Variants in ATXN1 observed in about 807,000 individuals in gnomAD.
ATXN1 encodes ataxin-1.
A neutral mutation model predicts 56.4 loss-of-function variants in ATXN1; 8 were observed. The observed-to-expected ratio is 0.14, with a 90% CI of 0.08 to 0.26. The LOEUF is 0.26. Ranked by LOEUF, ATXN1 falls within the 10% of genes least tolerant of loss-of-function variation. The pLI is 1.00. For missense variants in ATXN1, 987 were observed against 1,106.5 expected, an observed-to-expected ratio of 0.89 and a Z score of 1.53; for synonymous variants, 514 against 494.6, an observed-to-expected ratio of 1.04 and a Z score of -0.52.
At chr6:16,368,187 A>G (rs1461244876) in intron 6 of ATXN1, among the ~76,000 whole-genome samples, 1 of 151,866 alleles carries the variant, frequency 6.6e-6, no homozygotes, top group Non-Finnish European at 1.5e-5. Flanking sequence ...AAAAGAAAGA[A>G]AAGAAAAGAA....
chr6:16,536,850 T>C (rs1251783806), intron 4 of ATXN1, among the ~76,000 whole-genome samples: 2 of 152,214 alleles, frequency 1.3e-5, no homozygotes, highest in Non-Finnish European at 2.9e-5. Context: ...CCTCCAATCA[T>C]TTTTGTGGCT....
rs542254852 is a variant in ATXN1, at chr6:16,705,622, A to G, written c.-615+47611T>C. 5.9e-5 allele frequency among the ~76,000 whole-genome samples: 9 copies of G among 152,152 alleles called. No individual in the cohort carries two copies. The South Asian group carries it at 6.2e-4, about 11-fold the overall frequency. On this transcript the variant is annotated intron_variant, in intron 2 of 7. Transcript: ENST00000436367. ...GTCCTCTAAATCCTTGCTTATTAACATCTCTCCAATCTGCTCATTCTTTCC... is the reference window on the plus strand; with the variant it reads ...GTCCTCTAAATCCTTGCTTATTAACGTCTCTCCAATCTGCTCATTCTTTCC...
Position 16,306,010 on chromosome 6 carries a change from T to A in ATXN1, c.*319A>T. ...ACTTTTCTCCTGACACTAGCGGGAGTCAGCGCCCCCGGCTGCTTCTGTGCC... is the reference window on the plus strand; with the variant it reads ...ACTTTTCTCCTGACACTAGCGGGAGACAGCGCCCCCGGCTGCTTCTGTGCC... On this transcript the variant is annotated 3_prime_UTR_variant, in exon 8 of 8. Coordinates refer to ENST00000436367, the MANE Select transcript of ATXN1 (RefSeq NM_001128164.2). The surrounding 1 kb of genome is among the most constrained non-coding windows in gnomAD (Gnocchi z 5.2). 4.4e-6 allele frequency: 1 copy of A among 227,948 alleles called. No homozygotes were observed. The highest frequency in any genetic ancestry group is 8.8e-6 in the Non-Finnish European group (1 of 113,610). 14.1% of individuals were successfully genotyped at this position (227,948 alleles called of 1,614,324 possible).
chr6:16,740,117 G>A (rs1169280938), intron 2 of ATXN1, among the ~76,000 whole-genome samples: 1 of 152,142 alleles, frequency 6.6e-6, no homozygotes, highest in Non-Finnish European at 1.5e-5. Context: ...AAGTCTAAAT[G>A]TGAATCAGAT....
intron 2 of ATXN1, among the ~76,000 whole-genome samples, chr6:16,701,149 T>G (rs1382354499): frequency 6.6e-6 from 1 of 152,080 alleles, no homozygotes; most frequent in Non-Finnish European, 1.5e-5. Flanking sequence ...ATTAAAAAAG[T>G]TTAGATACAG....
chr6:16,629,683 A>G (rs1341059777), intron 3 of ATXN1, among the ~76,000 whole-genome samples: 1 of 152,038 alleles, frequency 6.6e-6, no homozygotes, highest in Non-Finnish European at 1.5e-5. Flanking sequence ...TGGGAGGCTG[A>G]AGTGGGTGGA....
chr6:16,578,886 A>G (rs952332107), intron 4 of ATXN1, among the ~76,000 whole-genome samples: 2 of 152,196 alleles, frequency 1.3e-5, no homozygotes, highest in African/African-American at 4.8e-5. Context: ...TGAAGTCCGC[A>G]TTGTCTAAAC....
intron 6 of ATXN1, among the ~76,000 whole-genome samples, chr6:16,454,458 G>T (rs1759826522): frequency 6.6e-6 from 1 of 152,160 alleles, no homozygotes; most frequent in Non-Finnish European, 1.5e-5. Context: ...AGGGGTCAAG[G>T]CTGCCTGAGG....
chr6:16,318,051 A>C (rs1312474359), intron 7 of ATXN1, among the ~76,000 whole-genome samples: 1 of 152,164 alleles, frequency 6.6e-6, no homozygotes, highest in Non-Finnish European at 1.5e-5. Context: ...ATATCTAAAC[A>C]CTATGCACAT....
At chr6:16,532,928 T>C (rs1761532748) in intron 4 of ATXN1, among the ~76,000 whole-genome samples, 1 of 152,194 alleles carries the variant, frequency 6.6e-6, no homozygotes, top group Admixed American at 6.5e-5. Flanking sequence ...CAGATATTTG[T>C]ATACCAGTGT....
chr6:16,404,993 T>A (rs984272347), intron 6 of ATXN1, among the ~76,000 whole-genome samples: 1 of 152,220 alleles, frequency 6.6e-6, no homozygotes, highest in Non-Finnish European at 1.5e-5. Context: ...TTGGAAGATG[T>A]CCTGGTGTTT....
chr6:16,624,565 C>G, intron 3 of ATXN1, among the ~76,000 whole-genome samples: 1 of 152,104 alleles, frequency 6.6e-6, no homozygotes, highest in East Asian at 1.9e-4. Flanking sequence ...TTCAAGCAAA[C>G]AGAAGGGTTA....
rs1173449550 is a variant in ATXN1, at chr6:16,302,272, G to GA, written c.*4056dup. 2.6e-5 allele frequency: 4 copies of GA among 152,386 alleles called. No individual in the cohort carries two copies. The highest frequency in any genetic ancestry group is 5.9e-5 in the Non-Finnish European group (4 of 68,062). 9.4% of individuals were successfully genotyped at this position (152,386 alleles called of 1,614,324 possible). ...GGTTCCGCAGAGTCCCTTTAGGGGA[G>GA]AAGGAGGGATGCTGCCACTTCCTGG... On this transcript the variant is annotated 3_prime_UTR_variant, in exon 8 of 8. Coordinates refer to ENST00000436367, the MANE Select transcript of ATXN1 (RefSeq NM_001128164.2).
intron 3 of ATXN1, among the ~76,000 whole-genome samples, chr6:16,635,466 A>G (rs901082653): frequency 4.6e-5 from 7 of 152,198 alleles, no homozygotes; most frequent in Non-Finnish European, 1.0e-4. Context: ...GTTAGGGACC[A>G]CTGGTCTAGA....
chr6:16,561,908 C>A (rs1762125914), intron 4 of ATXN1, among the ~76,000 whole-genome samples: 1 of 152,172 alleles, frequency 6.6e-6, no homozygotes, highest in Non-Finnish European at 1.5e-5. Context: ...CAAGTCACAA[C>A]ACTCCCTCAG....
intron 6 of ATXN1, among the ~76,000 whole-genome samples, chr6:16,372,082 GA>G (rs1406747986): frequency 6.6e-6 from 1 of 152,130 alleles, no homozygotes; most frequent in Non-Finnish European, 1.5e-5. Flanking sequence ...TTGCTTTTTA[GA>G]AAATCAACAA....
rs1758107796 is a variant in ATXN1, at chr6:16,381,295, AG to A, written c.-160-52826del. 3.9e-5 allele frequency among the ~76,000 whole-genome samples: 6 copies of A among 152,160 alleles called. No individual in the cohort carries two copies. The South Asian group carries it at 1.2e-3, about 32-fold the overall frequency. ...AGCAAGACTCCATCATGAAAAAAAA[AG>A]GGGGAAATGTGGACTCAGGCACACA... is the stretch of plus-strand genomic sequence containing the variant. On this transcript the variant is annotated intron_variant, in intron 6 of 7. Transcript: ENST00000436367.
chr6:16,575,057 C>A (rs746558116), intron 4 of ATXN1, among the ~76,000 whole-genome samples: 7 of 151,920 alleles, frequency 4.6e-5, no homozygotes, highest in Non-Finnish European at 1.0e-4. Flanking sequence ...GATGACACGC[C>A]CTTCTCAGTG....
In ATXN1 at chr6:16,526,571, C is replaced by A. The variant is rs182555072; in HGVS notation, c.-360-3883G>T. ...CCTGAGGTCAGGAGGTCAAGACCAG[C>A]CTGGCCAAAATGGTGAAACCCTGTC... is the stretch of plus-strand genomic sequence containing the variant. On this transcript the variant is annotated intron_variant, in intron 4 of 7. Coordinates refer to ENST00000436367, the MANE Select transcript of ATXN1 (RefSeq NM_001128164.2). 3.1e-3 allele frequency among the ~76,000 whole-genome samples: 465 copies of A among 152,104 alleles called. 2 individuals carry two copies. Among genetic ancestry groups the A allele is most frequent in the African/African-American group, 0.011 (438 of 41,472 alleles).
Sources: gnomAD v4.1 joint callset for allele counts (sites outside exome capture counted in the v4.1 genomes callset) on GRCh38, gnomAD v4.1.1 for gene constraint, Gnocchi (gnomAD v3.1) non-coding constraint, MANE v1.5 for transcripts, NCBI Gene and HGNC (gene_info 2026-07-23, HGNC 2026-07-21) for gene names.